The following FHIT variants were observed in gnomAD, a reference collection of about 807,000 sequenced individuals.
FHIT encodes bis(5'-adenosyl)-triphosphatase.
FHIT carries 19 observed loss-of-function variants against 17.9 expected under a neutral mutation model. The observed-to-expected ratio is 1.06, with a 90% confidence interval of 0.74 to 1.56. FHIT has a LOEUF of 1.56. FHIT is among the 40% of genes most tolerant of loss of function. The pLI, the probability that FHIT is intolerant of heterozygous loss-of-function variation, is 0.00. For missense variants in FHIT, 248 were observed against 189.2 expected (o/e 1.31, Z -1.82); for synonymous variants, 81 against 69.7 (o/e 1.16, Z -0.81).
intron 2 of FHIT, among the ~76,000 whole-genome samples, chr3:61,073,849 A>G (rs896451216): frequency 1.3e-5 from 2 of 152,156 alleles, no homozygotes; most frequent in African/African-American, 4.8e-5. Flanking sequence ...CAATGCAGAA[A>G]TTGCCACAGT....
At chr3:59,801,360 T>C (rs1364305619) in intron 8 of FHIT, among the ~76,000 whole-genome samples, 2 of 149,268 alleles carry the variant, frequency 1.3e-5, no homozygotes, top group African/African-American at 5.2e-5. Flanking sequence ...ATGGATTTGT[T>C]CTTGTTTTTG....
At chr3:60,489,059 A>C (rs1255988381) in intron 5 of FHIT, among the ~76,000 whole-genome samples, 1 of 152,186 alleles carries the variant, frequency 6.6e-6, no homozygotes, top group Non-Finnish European at 1.5e-5. Context: ...AAGAGAGACC[A>C]TGAGCAGTGC....
At chr3:60,339,244 T>C (rs80128563) in intron 5 of FHIT, among the ~76,000 whole-genome samples, 2,550 of 152,204 alleles carry the variant, frequency 0.017, 28 homozygotes, top group Middle Eastern at 0.054. Flanking sequence ...TTGATTTGGA[T>C]CTCAGGATCC....
chr3:59,864,401 C>T (rs538429053), intron 8 of FHIT, among the ~76,000 whole-genome samples: 39 of 152,148 alleles, frequency 2.6e-4, no homozygotes, highest in Non-Finnish European at 5.0e-4. Context: ...TTTTGCCTTC[C>T]ACCATGATTC....
At chr3:60,174,979 T>C (rs1044779508) in intron 5 of FHIT, among the ~76,000 whole-genome samples, 1 of 152,182 alleles carries the variant, frequency 6.6e-6, no homozygotes, top group Admixed American at 6.5e-5. Context: ...ATAGGTTGAC[T>C]GTGTGAACGA....
chr3:60,924,407 C>G (rs919371633), intron 3 of FHIT, among the ~76,000 whole-genome samples: 1 of 152,094 alleles, frequency 6.6e-6, no homozygotes, highest in Non-Finnish European at 1.5e-5. Context: ...CACCAATATC[C>G]GCTGTTCTGC....
At chr3:60,107,627 T>G (rs1704482034) in intron 5 of FHIT, among the ~76,000 whole-genome samples, 1 of 152,142 alleles carries the variant, frequency 6.6e-6, no homozygotes. Context: ...TACATAAGTT[T>G]GTTGGCTACT....
At chr3:60,890,492 C>T (rs1182289960) in intron 3 of FHIT, among the ~76,000 whole-genome samples, 1 of 152,180 alleles carries the variant, frequency 6.6e-6, no homozygotes, top group African/African-American at 2.4e-5. Context: ...GTTTAAGCAA[C>T]AGAAGTTTTG....
At chr3:60,259,228 C>G (rs1029662811) in intron 5 of FHIT, among the ~76,000 whole-genome samples, 1 of 152,050 alleles carries the variant, frequency 6.6e-6, no homozygotes, top group African/African-American at 2.4e-5. Context: ...TTCCTATCAC[C>G]CTTAAAATAT....
intron 5 of FHIT, among the ~76,000 whole-genome samples, chr3:60,308,994 G>A (rs767135791): frequency 3.3e-5 from 5 of 152,178 alleles, no homozygotes; most frequent in Non-Finnish European, 7.3e-5. Flanking sequence ...CGAAAATGGA[G>A]TTTTTAAGAT....
chr3:60,338,101 G>A (rs762560936), intron 5 of FHIT, among the ~76,000 whole-genome samples: 3 of 152,128 alleles, frequency 2.0e-5, no homozygotes, highest in Non-Finnish European at 2.9e-5. Flanking sequence ...CAGGGGACAG[G>A]ATGGAATGCG....
chr3:60,610,998 C>T (rs1165677546), intron 4 of FHIT, among the ~76,000 whole-genome samples: 1 of 152,150 alleles, frequency 6.6e-6, no homozygotes, highest in African/African-American at 2.4e-5. Context: ...GGAGTCATCA[C>T]AGCTACTCTG....
chr3:60,297,625 A>G (rs1708272550), intron 5 of FHIT, among the ~76,000 whole-genome samples: 1 of 151,994 alleles, frequency 6.6e-6, no homozygotes, highest in Non-Finnish European at 1.5e-5. Flanking sequence ...TATGTCTTTT[A>G]TTTCCTTTCC....
At chr3:60,577,636 C>T (rs1194563896) in intron 4 of FHIT, among the ~76,000 whole-genome samples, 1 of 152,078 alleles carries the variant, frequency 6.6e-6, no homozygotes, top group Non-Finnish European at 1.5e-5. Context: ...AAATTGTTTG[C>T]ACACTGAGAA....
chr3:60,469,254 C>A (rs1234940905), intron 5 of FHIT, among the ~76,000 whole-genome samples: 1 of 152,130 alleles, frequency 6.6e-6, no homozygotes, highest in African/African-American at 2.4e-5. Flanking sequence ...TTCTCTCTCT[C>A]TCTCTGCCTC....
rs1700915052 is a variant in FHIT at position 60,160,984 on chromosome 3, T to C, written c.104-146832A>G. Among the ~76,000 whole-genome samples the C allele has an allele frequency of 2.0e-5, 3 of 152,208 alleles. No homozygotes were observed. In the South Asian group the frequency reaches 6.2e-4, roughly 31 times the overall value. On this transcript the variant is annotated intron_variant, in intron 5 of 9. Coordinates refer to ENST00000492590, the MANE Select transcript of FHIT (RefSeq NM_002012.4). The stretch of plus-strand genomic sequence containing the variant: ...AAAAAAGACGATTATGCAATCCATA[T>C]TCTTACACAAGAAACAGTGTATTTC...
chr3:60,864,881 G>A (rs782106662), intron 3 of FHIT, among the ~76,000 whole-genome samples: 2 of 151,836 alleles, frequency 1.3e-5, no homozygotes, highest in South Asian at 4.2e-4. Context: ...TAAAAGATTC[G>A]ATTAACTCTA....
At chr3:60,459,845 C>A (rs1458533471) in intron 5 of FHIT, among the ~76,000 whole-genome samples, 2 of 152,168 alleles carry the variant, frequency 1.3e-5, no homozygotes, top group Non-Finnish European at 2.9e-5. Context: ...TAAACCGCAT[C>A]CCAATTTCAG....
chr3:59,977,637 T>C (rs529949973), intron 7 of FHIT, among the ~76,000 whole-genome samples: 1 of 152,212 alleles, frequency 6.6e-6, no homozygotes, highest in Non-Finnish European at 1.5e-5. Context: ...TTGCAGTCAT[T>C]GTTTCGTCTA....
Sources: allele counts gnomAD v4.1 joint callset (sites outside exome capture counted in the v4.1 genomes callset), GRCh38; gene constraint gnomAD v4.1.1; transcripts MANE v1.5; gene names NCBI Gene and HGNC (gene_info 2026-07-23, HGNC 2026-07-21).